Variants in PDE1C observed in about 807,000 individuals in gnomAD.
The protein encoded by PDE1C is dual specificity calcium/calmodulin-dependent 3',5'-cyclic nucleotide phosphodiesterase 1C.
Under a neutral mutation model 93.1 loss-of-function variants are expected in PDE1C, and 62 were observed. That is an observed-to-expected ratio of 0.67 (90% confidence interval 0.54 to 0.82). The LOEUF (loss-of-function observed/expected upper bound fraction) is 0.82, where lower values mean the gene tolerates loss of function less well. Among genes scored for constraint, PDE1C ranks in the 40% least tolerant of loss-of-function variants. The pLI is 0.00. For synonymous variants in PDE1C, 325 were observed against 310.1 expected, an observed-to-expected ratio of 1.05 and a Z score of -0.50; for missense variants, 742 against 884.6, an observed-to-expected ratio of 0.84 and a Z score of 2.04.
intron 2 of PDE1C, among the ~76,000 whole-genome samples, chr7:31,952,501 C>T (rs901176724): frequency 3.3e-5 from 5 of 152,260 alleles, no homozygotes; most frequent in South Asian, 2.1e-4. Flanking sequence ...TCACCAGCCT[C>T]GGCCTCCCAA....
intron 1 of PDE1C, among the ~76,000 whole-genome samples, chr7:32,053,777 C>T (rs1478642349): frequency 6.6e-6 from 1 of 152,128 alleles, no homozygotes; most frequent in Non-Finnish European, 1.5e-5. Flanking sequence ...TCAGCACCTA[C>T]TAGCAATAAG....
At chr7:32,005,738 G>T (rs139357538) in intron 2 of PDE1C, among the ~76,000 whole-genome samples, 2 of 151,942 alleles carry the variant, frequency 1.3e-5, no homozygotes, top group Admixed American at 1.3e-4. Flanking sequence ...TTGAAGAGTA[G>T]AACTAGAATA....
chr7:31,764,200 G>T (rs113167900), intron 17 of PDE1C, among the ~76,000 whole-genome samples: 124 of 152,120 alleles, frequency 8.2e-4, no homozygotes, highest in African/African-American at 3.0e-3. Context: ...GCCCAAGCTG[G>T]AGTGCAGTGG....
At chr7:32,370,844 T>G (rs985586001) in intron 1 of PDE1C, among the ~76,000 whole-genome samples, 1 of 151,994 alleles carries the variant, frequency 6.6e-6, no homozygotes. Context: ...AACAGATGAA[T>G]GGATAAAGAA....
intron 2 of PDE1C, among the ~76,000 whole-genome samples, chr7:32,021,654 A>C (rs972818378): frequency 5.3e-5 from 8 of 152,080 alleles, no homozygotes; most frequent in African/African-American, 1.7e-4. Context: ...TACCAATAAA[A>C]ATTATTTCAA....
At chr7:32,092,339 C>CTGGA (rs1797519126) in intron 3 of PDE1C, among the ~76,000 whole-genome samples, 1 of 152,168 alleles carries the variant, frequency 6.6e-6, no homozygotes, top group South Asian at 2.1e-4. Flanking sequence ...TCCTGCACTA[C>CTGGA]TGGATGCTGG....
the PDE1C span, among the ~76,000 whole-genome samples, chr7:31,629,287 C>A: frequency 5.1e-5 from 1 of 19,530 alleles, no homozygotes; most frequent in East Asian, 7.6e-3. Context: ...ACAACACAAT[C>A]TTTATATAGA....
At chr7:31,815,877 T>C (rs758276635) in intron 15 of PDE1C, 47 bp downstream of exon 15, 35 of 1,369,172 alleles carry the variant, frequency 2.6e-5, no homozygotes, top group Non-Finnish European at 3.7e-5. Context: ...ATTCATTATG[T>C]CATTAATGCC....
intron 13 of PDE1C, among the ~76,000 whole-genome samples, chr7:31,823,864 A>C (rs1789317006): frequency 6.6e-6 from 1 of 152,100 alleles, no homozygotes; most frequent in African/African-American, 2.4e-5. Flanking sequence ...GAAAATCTCA[A>C]AGAAGTAACT....
intron 1 of PDE1C, among the ~76,000 whole-genome samples, chr7:32,211,659 G>C (rs1806042237): frequency 6.6e-6 from 1 of 152,048 alleles, no homozygotes; most frequent in Non-Finnish European, 1.5e-5. Context: ...GTTAGGTATA[G>C]ACATGAATTT....
At chr7:32,156,347 T>C (rs567979996) in intron 3 of PDE1C, among the ~76,000 whole-genome samples, 1 of 152,290 alleles carries the variant, frequency 6.6e-6, no homozygotes, top group East Asian at 1.9e-4. Flanking sequence ...GTGTTCTCAT[T>C]GTTCAGCTCC....
At chr7:31,886,401 A>G (rs1487655890) in intron 2 of PDE1C, among the ~76,000 whole-genome samples, 1 of 152,250 alleles carries the variant, frequency 6.6e-6, no homozygotes. Context: ...GTTTGTTTCT[A>G]TAATTAATGA....
intron 2 of PDE1C, among the ~76,000 whole-genome samples, chr7:31,898,364 TAG>T (rs528404025): frequency 6.6e-6 from 1 of 152,152 alleles, no homozygotes; most frequent in East Asian, 1.9e-4. Context: ...CATGTATCCA[TAG>T]AGTTTAAACT....
At chr7:31,859,272 G>T (rs1794397141) in intron 7 of PDE1C, among the ~76,000 whole-genome samples, 1 of 149,584 alleles carries the variant, frequency 6.7e-6, no homozygotes, top group Non-Finnish European at 1.5e-5. Context: ...CAGTATTAGA[G>T]ACTTATTTAT....
intron 2 of PDE1C, among the ~76,000 whole-genome samples, chr7:32,013,910 T>C (rs1309192136): frequency 2.0e-5 from 3 of 152,218 alleles, no homozygotes; most frequent in African/African-American, 7.2e-5. Context: ...TCAACTGCAG[T>C]TGGTAAAACT....
Position 31,874,676 on chromosome 7 carries a change from G to A in PDE1C, c.493-1268C>T, listed in dbSNP as rs1006233719. On this transcript the variant is annotated intron_variant, in intron 5 of 17. Coordinates refer to ENST00000396191, the MANE Select transcript of PDE1C (RefSeq NM_001191057.4). Reference sequence around the variant, plus strand: ...TAGGAAAATCAGACTTTTCCAGAGGGGTTTAAATTGAATTGTTCCAATTCA... The same window carrying A: ...TAGGAAAATCAGACTTTTCCAGAGGAGTTTAAATTGAATTGTTCCAATTCA... Among the ~76,000 whole-genome samples, 5 of 152,160 alleles carry A rather than the reference G, an allele frequency of 3.3e-5. 1 individual carries two copies. Among genetic ancestry groups the A allele is most frequent in the Non-Finnish European group, 5.9e-5 (4 of 68,032 alleles).
chr7:31,905,347 A>G (rs1262184932), intron 2 of PDE1C, among the ~76,000 whole-genome samples: 2 of 152,132 alleles, frequency 1.3e-5, no homozygotes, highest in African/African-American at 4.8e-5. Flanking sequence ...TGGCTTCCTG[A>G]AAAACAAAAT....
At chr7:31,867,303 C>T (rs1795422646) in intron 6 of PDE1C, among the ~76,000 whole-genome samples, 1 of 152,114 alleles carries the variant, frequency 6.6e-6, no homozygotes, top group Non-Finnish European at 1.5e-5. Flanking sequence ...CCCCAGCCAC[C>T]CGTATACAGC....
At chr7:32,039,921 GGAACTTAT>G (rs1291602146) in intron 2 of PDE1C, among the ~76,000 whole-genome samples, 1 of 152,092 alleles carries the variant, frequency 6.6e-6, no homozygotes, top group Non-Finnish European at 1.5e-5. Flanking sequence ...AATAGCATGT[GGAACTTAT>G]GATTTCTAAT....
Sources: gnomAD v4.1 joint callset for allele counts (sites outside exome capture counted in the v4.1 genomes callset) on GRCh38, gnomAD v4.1.1 for gene constraint, MANE v1.5 for transcripts, NCBI Gene and HGNC (gene_info 2026-07-23, HGNC 2026-07-21) for gene names.